The following EVC variants were observed in gnomAD, a reference collection of about 807,000 sequenced individuals.
The protein encoded by EVC is evC complex member EVC.
Under a neutral mutation model 118.9 loss-of-function variants are expected in EVC, and 116 were observed. The observed-to-expected ratio is 0.98, with a 90% CI of 0.84 to 1.14. EVC has a LOEUF of 1.14. Among genes scored for constraint, EVC ranks in the 50% most tolerant of loss-of-function variants. The probability of loss-of-function intolerance (pLI) is 0.00; values close to 1 mark genes in which losing one functional copy is unlikely to be tolerated. For synonymous variants in EVC, 619 were observed against 534.7 expected (o/e 1.16, Z -2.18); for missense variants, 1,401 against 1,246.4 (o/e 1.12, Z -1.87).
At chr4:5,792,415 A>T (rs989032487) in intron 12 of EVC, among the ~76,000 whole-genome samples, 1 of 152,238 alleles carries the variant, frequency 6.6e-6, no homozygotes, top group Non-Finnish European at 1.5e-5. Flanking sequence ...AAAGAGAGTC[A>T]TTGCATAGTG....
chr4:5,728,925 C>T (rs943701266), intron 2 of EVC, among the ~76,000 whole-genome samples: 5 of 152,160 alleles, frequency 3.3e-5, no homozygotes, highest in African/African-American at 9.7e-5. Context: ...TTTGTCTGTT[C>T]ATCCATCTGT....
rs758038673 is a variant in EVC, at chr4:5,808,268, C to A, written c.2629C>A (p.Gln877Lys). Residue 877 changes from glutamine to lysine, a missense_variant, in exon 18 of 21, where the codon CAG becomes AAG. Coordinates refer to ENST00000264956, the MANE Select transcript of EVC (RefSeq NM_153717.3). ...PVHQQMRLHA[Q>K]QQQAGVMDLL... ...GCACCAGCAGATGCGTCTGCACGCCCAGCAGCAGCAGGCAGGAGTCATGGA... is the reference window on the plus strand; with the variant it reads ...GCACCAGCAGATGCGTCTGCACGCCAAGCAGCAGCAGGCAGGAGTCATGGA... 2 of 1,612,760 alleles carry A rather than the reference C, an allele frequency of 1.2e-6. No homozygotes were observed. Among genetic ancestry groups the A allele is most frequent in the Non-Finnish European group, 1.7e-6 (2 of 1,179,420 alleles).
At chr4:5,740,586 A>G (rs1363087490) in intron 5 of EVC, among the ~76,000 whole-genome samples, 2 of 152,202 alleles carry the variant, frequency 1.3e-5, no homozygotes, top group Non-Finnish European at 2.9e-5. Flanking sequence ...AGGAAAAATT[A>G]ACTGGAATTC....
chr4:5,748,777 CA>C, intron 8 of EVC, among the ~76,000 whole-genome samples: 1 of 40,300 alleles, frequency 2.5e-5, no homozygotes. Flanking sequence ...TCCATCCATC[CA>C]CCCATCCATC....
At chr4:5,777,494 T>G (rs1253126398) in intron 11 of EVC, among the ~76,000 whole-genome samples, 3 of 152,052 alleles carry the variant, frequency 2.0e-5, no homozygotes, top group African/African-American at 7.3e-5. Flanking sequence ...CAACCAACAC[T>G]CCCTAGGTAA....
chr4:5,736,904 C>T (rs535125805), intron 5 of EVC, among the ~76,000 whole-genome samples: 30 of 152,214 alleles, frequency 2.0e-4, no homozygotes, highest in South Asian at 4.2e-4. Flanking sequence ...GAAAGAGAGT[C>T]GCGTGTCTCT....
At chr4:5,766,138 T>G (rs973371760) in intron 11 of EVC, among the ~76,000 whole-genome samples, 4 of 145,132 alleles carry the variant, frequency 2.8e-5, no homozygotes, top group Admixed American at 2.0e-4. Context: ...GTCTGTAAAG[T>G]ATTTTATTTC....
At chr4:5,792,364 C>A (rs967565091) in intron 12 of EVC, among the ~76,000 whole-genome samples, 1 of 152,216 alleles carries the variant, frequency 6.6e-6, no homozygotes, top group Non-Finnish European at 1.5e-5. Flanking sequence ...ATACTAAGAT[C>A]TGATGAATTA....
intron 17 of EVC, among the ~76,000 whole-genome samples, chr4:5,805,806 C>G (rs988466173): frequency 1.3e-5 from 2 of 152,000 alleles, no homozygotes; most frequent in Non-Finnish European, 1.5e-5. Flanking sequence ...GTGCATGAGC[C>G]CATCTGTGAC....
Position 5,731,740 on chromosome 4 carries a change from CAG to C in EVC, c.617+86_617+87del. ...GTCACATCATTGTCAGAGGAGGAAA[CAG>C]AGGCCCAGAGAGGTTCAGTGACTCT... On this transcript the variant is annotated intron_variant, in intron 4 of 20. Coordinates refer to ENST00000264956, the MANE Select transcript of EVC (RefSeq NM_153717.3). The surrounding 1 kb of genome is among the most constrained non-coding windows in gnomAD (Gnocchi z 5.6). The C allele has an allele frequency of 7.5e-7, 1 of 1,336,826 alleles. No homozygotes were observed. Among genetic ancestry groups the C allele is most frequent in the Non-Finnish European group, 1.1e-6 (1 of 951,148 alleles). 82.8% of individuals were successfully genotyped at this position (1,336,826 alleles called of 1,614,324 possible).
chr4:5,715,809 T>C (rs1359348518), intron 1 of EVC, among the ~76,000 whole-genome samples: 2 of 137,828 alleles, frequency 1.5e-5, no homozygotes, highest in Non-Finnish European at 3.0e-5. Context: ...AGTAGTGCAA[T>C]CTCGGCTCAC....
chr4:5,717,315 ATATTT>A (rs1303369794), intron 1 of EVC, among the ~76,000 whole-genome samples: 1 of 151,980 alleles, frequency 6.6e-6, no homozygotes, highest in African/African-American at 2.4e-5. Context: ...CTCTCTGATA[ATATTT>A]TAGTTGTTTA....
At chr4:5,795,201 A>G (rs1212727250) in intron 13 of EVC, among the ~76,000 whole-genome samples, 1 of 152,188 alleles carries the variant, frequency 6.6e-6, no homozygotes, top group Admixed American at 6.5e-5. Context: ...ATATAAGTAC[A>G]TGTGTCTTTT....
At chr4:5,778,084 C>T (rs553149737) in intron 11 of EVC, among the ~76,000 whole-genome samples, 7 of 149,672 alleles carry the variant, frequency 4.7e-5, no homozygotes, top group South Asian at 2.1e-4. Flanking sequence ...TGAGAATATG[C>T]GGTGTTTGGT....
In EVC at chr4:5,796,054, C is replaced by T. The variant is rs114881019; in HGVS notation, c.1887-968C>T. ...GGATATTTTCCTTTGAGGTATCTTC[C>T]AGCCACTCTCTCTTCAGCCATATTT... On this transcript the variant is annotated intron_variant, in intron 13 of 20. Transcript: ENST00000264956. Among the ~76,000 whole-genome samples the T allele has an allele frequency of 3.9e-3, 598 of 152,182 alleles. 1 individual carries two copies. The highest frequency in any genetic ancestry group is 6.5e-3 in the Non-Finnish European group (442 of 68,006).
At chr4:5,797,537 CT>C in intron 14 of EVC, 1 of 506,510 alleles carries the variant, frequency 2.0e-6, no homozygotes, top group Admixed American at 3.2e-5. Context: ...CCTCCAGGTC[CT>C]TCCTCTGTGG....
At chr4:5,824,652 T>C in the EVC span, 1 of 931,980 alleles carries the variant, frequency 1.1e-6, no homozygotes, top group Non-Finnish European at 1.3e-6. Flanking sequence ...GGCTATTGAA[T>C]ATAACATCCT....
Position 5,811,389 on chromosome 4 carries a change from A to T in EVC, c.*352A>T. On this transcript the variant is annotated 3_prime_UTR_variant, in exon 21 of 21. Coordinates refer to ENST00000264956, the MANE Select transcript of EVC (RefSeq NM_153717.3). ...GCAGACTCTGGAATCCCTGGCCCAA[A>T]GGCCTGTCTGGGCCCATCTGGGGCT... is the stretch of plus-strand genomic sequence containing the variant. The T allele has an allele frequency of 2.9e-6, 1 of 342,660 alleles. No homozygotes were observed. Among genetic ancestry groups the T allele is most frequent in the South Asian group, 2.7e-5 (1 of 37,692 alleles). The allele number at this position is 342,660 out of a possible 1,614,324, so 21.2% of individuals were successfully genotyped here.
Position 5,798,813 on chromosome 4 carries a change from C to G in EVC, c.2304+21C>G, listed in dbSNP as rs370146779. 23 of 1,605,542 alleles carry G rather than the reference C, an allele frequency of 1.4e-5. No individual in the cohort carries two copies. Among genetic ancestry groups the G allele is most frequent in the Non-Finnish European group, 2.0e-5 (23 of 1,177,440 alleles). Reference sequence around the variant, plus strand: ...TCAAGGTATGCACTGACCTCTGTCCCTGGGGACACCGAGGGCAAGAATGTT... The same window carrying G: ...TCAAGGTATGCACTGACCTCTGTCCGTGGGGACACCGAGGGCAAGAATGTT... On this transcript the variant is annotated intron_variant, in intron 15 of 20. Transcript: ENST00000264956. This position sits in a 1 kb window ranked among gnomAD's most constrained non-coding sequence, Gnocchi z 4.1.
Sources: gnomAD v4.1 joint callset for allele counts (sites outside exome capture counted in the v4.1 genomes callset) on GRCh38, gnomAD v4.1.1 for gene constraint, Gnocchi (gnomAD v3.1) non-coding constraint, MANE v1.5 for transcripts, NCBI Gene and HGNC (gene_info 2026-07-23, HGNC 2026-07-21) for gene names.